HNF1B: variants seen among roughly 807,000 people sequenced by gnomAD.
HNF1B encodes the protein hepatocyte nuclear factor 1-beta.
In HNF1B, 8 loss-of-function variants were observed where a neutral mutation model predicts 61.7. That is an observed-to-expected ratio of 0.13 (90% CI 0.08 to 0.23). The LOEUF (loss-of-function observed/expected upper bound fraction) is 0.23, where lower values mean the gene tolerates loss of function less well. Ranked by LOEUF, HNF1B falls within the 10% of genes least tolerant of loss-of-function variation. HNF1B has a pLI of 1.00. For missense variants in HNF1B, 562 were observed against 714.5 expected (o/e 0.79, Z 2.43); for synonymous variants, 314 against 287.7 (o/e 1.09, Z -0.93).
intron 4 of HNF1B, among the ~76,000 whole-genome samples, chr17:37,712,071 A>G (rs557084965): frequency 1.1e-4 from 17 of 152,256 alleles, no homozygotes; most frequent in Non-Finnish European, 2.4e-4. Flanking sequence ...GATATGACCT[A>G]GAGCTTAAGA....
intron 5 of HNF1B, among the ~76,000 whole-genome samples, chr17:37,710,230 T>C (rs1485600165): frequency 1.3e-5 from 2 of 152,168 alleles, no homozygotes; most frequent in African/African-American, 4.8e-5. Flanking sequence ...ACAAACAGTG[T>C]CCCACCGGGC....
At position 37,701,197 on chromosome 17, in the gene HNF1B, A is replaced by G; in HGVS notation, c.1340-20T>C. On this transcript the variant is annotated intron_variant, in intron 6 of 8. Transcript: ENST00000617811. ...TGAGGCCTGTGGGAGCAAGAGGAAAAGATCACAGACAGCTCCTGGGATAAG... is the reference window on the plus strand; with the variant it reads ...TGAGGCCTGTGGGAGCAAGAGGAAAGGATCACAGACAGCTCCTGGGATAAG... 2 of 1,548,770 alleles carry G rather than the reference A, an allele frequency of 1.3e-6. No individual in the cohort carries two copies. The highest frequency in any genetic ancestry group is 1.7e-6 in the Non-Finnish European group (2 of 1,145,710).
chr17:37,713,688 T>C (rs1432064160), intron 4 of HNF1B, among the ~76,000 whole-genome samples: 1 of 152,174 alleles, frequency 6.6e-6, no homozygotes, highest in African/African-American at 2.4e-5. Context: ...AGCTTCCTCA[T>C]CTATAAGCCA....
chr17:37,722,664 A>G (rs1480875195), intron 4 of HNF1B, among the ~76,000 whole-genome samples: 1 of 152,178 alleles, frequency 6.6e-6, no homozygotes, highest in Non-Finnish European at 1.5e-5. Flanking sequence ...TGACTTCCCA[A>G]AAGCATTGGA....
chr17:37,698,996 G>T, intron 8 of HNF1B, 80 bp downstream of exon 8: 1 of 1,053,926 alleles, frequency 9.5e-7, no homozygotes, highest in Non-Finnish European at 1.5e-6. Flanking sequence ...CCGAGTCCAT[G>T]CTTGCCACAA....
intron 6 of HNF1B, among the ~76,000 whole-genome samples, chr17:37,703,608 A>G (rs577948992): frequency 9.8e-5 from 15 of 152,310 alleles, no homozygotes; most frequent in African/African-American, 3.6e-4. Context: ...TGGTATTAGT[A>G]TAATTACCAT....
Position 37,687,165 on chromosome 17 carries a change from A to G in HNF1B, c.*207T>C. 1 of 741,322 alleles carries G rather than the reference A, an allele frequency of 1.3e-6. No individual in the cohort carries two copies. The highest frequency in any genetic ancestry group is 2.3e-6 in the Non-Finnish European group (1 of 427,724). 45.9% of individuals were successfully genotyped at this position (741,322 alleles called of 1,614,324 possible). A position where few individuals can be genotyped will look rare whatever the true frequency, so the allele number is the denominator to read the frequency against. On this transcript the variant is annotated 3_prime_UTR_variant, in exon 9 of 9. Coordinates refer to ENST00000617811, the MANE Select transcript of HNF1B (RefSeq NM_000458.4). ...ACATCGTGGGAGAGGCATTGTGGCA[A>G]TACTGCATAGAAGGGAAACTGGGCT...
chr17:37,688,421 A>T (rs1193100125), intron 8 of HNF1B, among the ~76,000 whole-genome samples: 3 of 150,132 alleles, frequency 2.0e-5, no homozygotes, highest in East Asian at 3.9e-4. Context: ...ACACACACAC[A>T]CTTACACCTA....
intron 8 of HNF1B, among the ~76,000 whole-genome samples, chr17:37,691,853 T>G (rs1328198000): frequency 6.6e-6 from 1 of 152,114 alleles, no homozygotes; most frequent in Non-Finnish European, 1.5e-5. Context: ...CCGAAGGGGA[T>G]AGATGATGAG....
At position 37,699,102 on chromosome 17, in the gene HNF1B, G is replaced by C. The variant is rs747580305; in HGVS notation, c.1627C>G (p.Leu543Val). ...VVTDTSSIST[L>V]TNMSSSKQCP... ...TGTTTACTTGAAGACATGTTGGTGA[G>C]TGTACTGATGCTGCTGGTATCTGTG... The change falls in exon 8 of 9, where the codon CTC (leucine) becomes GTC (valine). Residue 543 changes from leucine (L) to valine (V), a missense_variant. This residue lies in a region of HNF1B where 64 missense variants were observed against 96.9 expected (regional missense o/e 0.66). Transcript: ENST00000617811. 13 of 1,613,822 alleles carry C rather than the reference G, an allele frequency of 8.1e-6. No homozygotes were observed. The highest frequency in any genetic ancestry group is 1.1e-5 in the Non-Finnish European group (13 of 1,179,702).
intron 4 of HNF1B, among the ~76,000 whole-genome samples, chr17:37,721,853 C>G (rs2033329315): frequency 6.6e-6 from 1 of 152,006 alleles, no homozygotes; most frequent in Non-Finnish European, 1.5e-5. Flanking sequence ...AGCCTGTGTT[C>G]CTTGTTGTCT....
intron 4 of HNF1B, among the ~76,000 whole-genome samples, chr17:37,721,246 C>T (rs976854532): frequency 5.3e-5 from 8 of 152,104 alleles, no homozygotes; most frequent in African/African-American, 1.4e-4. Context: ...CTGCTGGTGT[C>T]GTAAAGCTCT....
At chr17:37,734,849 T>C (rs567241224) in intron 2 of HNF1B, among the ~76,000 whole-genome samples, 15 of 150,744 alleles carry the variant, frequency 1.0e-4, no homozygotes, top group Non-Finnish European at 2.2e-4. Context: ...AGTACAGTGG[T>C]GTGATCTCGG....
At chr17:37,726,176 C>G (rs1028231326) in intron 4 of HNF1B, among the ~76,000 whole-genome samples, 16 of 151,984 alleles carry the variant, frequency 1.1e-4, no homozygotes, top group Non-Finnish European at 1.9e-4. Context: ...CTCTCTCTCT[C>G]TGTGTTGGGT....
At chr17:37,741,893 T>C (rs886440571) in intron 1 of HNF1B, among the ~76,000 whole-genome samples, 17 of 152,156 alleles carry the variant, frequency 1.1e-4, no homozygotes, top group South Asian at 2.1e-4. Context: ...TAAGTCCGAC[T>C]TAAAAGAGTG....
intron 5 of HNF1B, among the ~76,000 whole-genome samples, chr17:37,710,277 A>T (rs1186950357): frequency 6.6e-6 from 1 of 152,166 alleles, no homozygotes; most frequent in African/African-American, 2.4e-5. Flanking sequence ...ATAAAAAGAG[A>T]GCAGAACTCT....
intron 2 of HNF1B, among the ~76,000 whole-genome samples, chr17:37,738,490 A>C (rs893677276): frequency 1.3e-5 from 2 of 152,236 alleles, no homozygotes; most frequent in Non-Finnish European, 2.9e-5. Context: ...CATCTTGATA[A>C]AGACAGAGAA....
rs758898732 is a variant in HNF1B, at chr17:37,733,805, G to C, written c.561C>G (p.Val187=). 2.5e-6 allele frequency: 4 copies of C among 1,614,070 alleles called. No individual in the cohort carries two copies. The African/African-American group carries it at 5.3e-5, about 22-fold the overall frequency. ...TGTCTGTCATATTTCCAGAACTCTG[G>C]ACTGTCTGGTTGAATTCTGAAAAGA... ...REILRQFNQT[V]QSSGNMTDKS... Residue 187 remains valine, a synonymous_variant, in exon 3 of 9, where the codon GTC becomes GTG. Transcript: ENST00000617811.
Position 37,705,032 on chromosome 17 carries a change from T to A in HNF1B, c.1224A>T (p.Gly408=), listed in dbSNP as rs1330528864. 3.1e-6 allele frequency: 5 copies of A among 1,613,762 alleles called. No individual in the cohort carries two copies. In the African/African-American group the frequency reaches 6.7e-5, roughly 22 times the overall value. ...TCAAGGTGCTGACTGGGGGCAAACC[T>A]CCTCCTGAGACTGAGATCTGATGGA... ...PDGKMISVSG[G]GLPPVSTLTN... is the part of the protein sequence containing the mutation. Residue 408 remains glycine, a synonymous_variant, in exon 6 of 9, where the codon GGA becomes GGT. Coordinates refer to ENST00000617811, the MANE Select transcript of HNF1B (RefSeq NM_000458.4).
Sources: gnomAD v4.1 joint callset for allele counts (sites outside exome capture counted in the v4.1 genomes callset) on GRCh38, gnomAD v4.1.1 for gene constraint, gnomAD v4.1.1 regional missense constraint, MANE v1.5 for transcripts, NCBI Gene and HGNC (gene_info 2026-07-23, HGNC 2026-07-21) for gene names.